MAST3: variants seen among roughly 807,000 people sequenced by gnomAD.
MAST3 encodes the protein microtubule-associated serine/threonine-protein kinase 3.
MAST3 carries 43 observed loss-of-function variants against 127.0 expected under a neutral mutation model. The observed-to-expected ratio is 0.34, with a 90% CI of 0.27 to 0.44. The LOEUF is 0.44. MAST3 is among the 20% of genes least tolerant of loss of function. The probability of loss-of-function intolerance (pLI) is 1.00; values close to 1 mark genes in which losing one functional copy is unlikely to be tolerated. For missense variants in MAST3, 1,390 were observed against 1,919.1 expected, an observed-to-expected ratio of 0.72 and a Z score of 5.15; for synonymous variants, 785 against 809.2, an observed-to-expected ratio of 0.97 and a Z score of 0.51.
intron 5 of MAST3, among the ~76,000 whole-genome samples, chr19:18,122,433 G>A (rs1406475978): frequency 6.7e-6 from 1 of 149,432 alleles, no homozygotes; most frequent in African/African-American, 2.5e-5. Flanking sequence ...CAGCTCAGAG[G>A]TTGAAGCTTT....
At position 18,106,966 on chromosome 19, in the gene MAST3, A is replaced by ATTTTTTTT. The variant is rs60298417; in HGVS notation, c.40-598_40-591dup. ...CAGGCTTGAGCCACCATGCCCAGCA[A>ATTTTTTTT]TTTTTTTTTTTTTTTTTTTTTTTTT... On this transcript the variant is annotated intron_variant, in intron 1 of 27. Coordinates refer to ENST00000687212, the MANE Select transcript of MAST3 (RefSeq NM_001393504.1). Among the ~76,000 whole-genome samples, 39 of 73,948 alleles carry ATTTTTTTT rather than the reference A, an allele frequency of 5.3e-4. 1 individual carries two copies. Among genetic ancestry groups the ATTTTTTTT allele is most frequent in the African/African-American group, 8.1e-4 (13 of 16,006 alleles). 48.5% of individuals were successfully genotyped at this position (73,948 alleles called of 152,430 possible).
intron 3 of MAST3, among the ~76,000 whole-genome samples, chr19:18,114,863 A>G (rs2039044931): frequency 6.6e-6 from 1 of 152,140 alleles, no homozygotes; most frequent in South Asian, 2.1e-4. Context: ...CTAGGGCACT[A>G]GGAGCCATAG....
intron 3 of MAST3, among the ~76,000 whole-genome samples, chr19:18,120,379 G>C (rs1467584722): frequency 6.6e-6 from 1 of 152,150 alleles, no homozygotes; most frequent in African/African-American, 2.4e-5. Context: ...GCTGCTGGCA[G>C]TAGCCATGGT....
intron 3 of MAST3, among the ~76,000 whole-genome samples, chr19:18,113,182 T>C (rs1326211334): frequency 6.6e-6 from 1 of 152,144 alleles, no homozygotes; most frequent in African/African-American, 2.4e-5. Context: ...CAGAGCCACA[T>C]TGCCTTGGGC....
At chr19:18,107,111 C>T (rs1438453840) in intron 1 of MAST3, among the ~76,000 whole-genome samples, 6 of 151,692 alleles carry the variant, frequency 4.0e-5, no homozygotes, top group Non-Finnish European at 8.8e-5. Flanking sequence ...CCACCGCACC[C>T]GGCCTACTCT....
chr19:18,127,285 C>T (rs1342788725), intron 11 of MAST3, among the ~76,000 whole-genome samples: 3 of 151,006 alleles, frequency 2.0e-5, no homozygotes, highest in Non-Finnish European at 3.0e-5. Context: ...CGGTGGCTCA[C>T]GCCTGTAATC....
chr19:18,115,781 T>C (rs997655959), intron 3 of MAST3, among the ~76,000 whole-genome samples: 2 of 152,202 alleles, frequency 1.3e-5, no homozygotes, highest in Non-Finnish European at 2.9e-5. Flanking sequence ...TTTACAAACG[T>C]AGTCCACATC....
At position 18,137,213 on chromosome 19, in the gene MAST3, C is replaced by T. The variant is rs376254053; in HGVS notation, c.1973-26C>T. On this transcript the variant is annotated intron_variant, in intron 18 of 27. Transcript: ENST00000687212. The stretch of plus-strand genomic sequence containing the variant: ...CTGTGGCGGGTGAGGTGAGGACCTG[C>T]AGGGCTCAGCGGGGCATATCTGCAG... 4 of 1,594,846 alleles carry T rather than the reference C, an allele frequency of 2.5e-6. No individual in the cohort carries two copies. The African/African-American group carries it at 5.3e-5, about 21-fold the overall frequency.
At position 18,121,703 on chromosome 19, in the gene MAST3, C is replaced by A. The variant is rs1206737689; in HGVS notation, c.180C>A (p.Arg60=). Residue 60 remains arginine, a synonymous_variant, in exon 4 of 28, where the codon CGC becomes CGA. Coordinates refer to ENST00000687212, the MANE Select transcript of MAST3 (RefSeq NM_001393504.1). ...CCCACAGCTGCCGCAGCGGGAACCG[C>A]AAGAGCTTGGTGGTAGGAACGCCCT... ...LHPWSCRSGN[R]KSLVVGTPSP... is the part of the protein sequence containing the mutation. 2 of 1,613,830 alleles carry A rather than the reference C, an allele frequency of 1.2e-6. No homozygotes were observed. The highest frequency in any genetic ancestry group is 1.3e-5 in the African/African-American group (1 of 74,954).
chr19:18,123,384 G>C lies in MAST3; in HGVS notation c.557+10G>C. 1 of 1,606,590 alleles carries C rather than the reference G, an allele frequency of 6.2e-7. No individual in the cohort carries two copies. Among genetic ancestry groups the C allele is most frequent in the African/African-American group, 1.3e-5 (1 of 74,968 alleles). ...GCTCTCGCAGTCTCAGGTGGGCCGC[G>C]ACCTCTGGCCCCAGCCCCGGCCCCT... On this transcript the variant is annotated intron_variant, in intron 7 of 27. Coordinates refer to ENST00000687212, the MANE Select transcript of MAST3 (RefSeq NM_001393504.1).
chr19:18,149,669 C>T lies in MAST3; in HGVS notation c.3987C>T (p.Ile1329=), dbSNP rs193214307. The T allele has an allele frequency of 1.9e-4, 310 of 1,613,142 alleles. 3 individuals are homozygous for T. In the African/African-American group the frequency reaches 3.9e-3, roughly 20 times the overall value. Residue 1329 remains isoleucine, a synonymous_variant, in exon 28 of 28, where the codon ATC becomes ATT. Transcript: ENST00000687212. The surrounding 1 kb of genome is among the most constrained non-coding windows in gnomAD (Gnocchi z 5.9). The part of the protein sequence containing the change: ...ATGLPTSVPQ[I]AVEGEEAVPV... ...GGCTGCCCACCTCAGTGCCACAGATCGCCGTGGAGGGCGAGGAAGCCGTGC... is the reference window on the plus strand; with the variant it reads ...GGCTGCCCACCTCAGTGCCACAGATTGCCGTGGAGGGCGAGGAAGCCGTGC...
Position 18,110,623 on chromosome 19 carries a change from T to A in MAST3, c.72-29T>A. 3.1e-6 allele frequency: 3 copies of A among 973,094 alleles called. No homozygotes were observed. The highest frequency in any genetic ancestry group is 3.7e-6 in the Non-Finnish European group (3 of 818,444). 60.3% of individuals were successfully genotyped at this position (973,094 alleles called of 1,614,324 possible). A position where few individuals can be genotyped will look rare whatever the true frequency, so the allele number is the denominator to read the frequency against. ...GCCACACGAAGGGGCGGCCGCCAGG[T>A]TCACCGTCCCCGGCCTCTTTCTTTG... On this transcript the variant is annotated intron_variant, in intron 2 of 27. Transcript: ENST00000687212. This position sits in a 1 kb window ranked among gnomAD's most constrained non-coding sequence, Gnocchi z 4.3.
chr19:18,107,478 A>G, intron 1 of MAST3, 109 bp from the exon 2 acceptor site: 1 of 1,088,496 alleles, frequency 9.2e-7, no homozygotes, highest in African/African-American at 1.5e-5. Context: ...TGAGCGGGAA[A>G]GATGCATTGG....
chr19:18,144,658 C>T lies in MAST3; in HGVS notation c.2777C>T (p.Ala926Val). 3.1e-6 allele frequency: 5 copies of T among 1,610,396 alleles called. No individual in the cohort carries two copies. Among genetic ancestry groups the T allele is most frequent in the Non-Finnish European group, 3.4e-6 (4 of 1,179,860 alleles). The change falls in exon 23 of 28, where the codon GCC becomes GTC. Residue 926 changes from alanine to valine, a missense_variant. By Grantham distance (64) the Ala-to-Val change is moderately conservative. Coordinates refer to ENST00000687212, the MANE Select transcript of MAST3 (RefSeq NM_001393504.1). This position sits in a 1 kb window ranked among gnomAD's most constrained non-coding sequence, Gnocchi z 4.0. ...AGTGGGGGCCGCGTGCCCAAGTCAGCCTCTGTCTCTGCCCTGTCCCTCATC... is the reference window on the plus strand; with the variant it reads ...AGTGGGGGCCGCGTGCCCAAGTCAGTCTCTGTCTCTGCCCTGTCCCTCATC... ...GGSGGRVPKS[A>V]SVSALSLIIT...
chr19:18,135,479 AG>A (rs746101131), intron 17 of MAST3, among the ~76,000 whole-genome samples: 1 of 151,992 alleles, frequency 6.6e-6, no homozygotes, highest in Non-Finnish European at 1.5e-5. Flanking sequence ...AATAAAAAAA[AG>A]AAGTGACATG....
At chr19:18,121,639 CG>C (rs768722161) in intron 3 of MAST3, 45 bp from the exon 4 acceptor site, 75 of 1,533,966 alleles carry the variant, frequency 4.9e-5, no homozygotes, top group Non-Finnish European at 5.1e-5. Flanking sequence ...TGGCTTAGCG[CG>C]GGGCCCTGGG....
Position 18,144,963 on chromosome 19 carries a change from C to T in MAST3, c.2813-40C>T. The T allele has an allele frequency of 8.8e-7, 1 of 1,137,656 alleles. No individual in the cohort carries two copies. The highest frequency in any genetic ancestry group is 1.3e-6 in the Non-Finnish European group (1 of 767,600). The allele number at this position is 1,137,656 out of a possible 1,614,324, so 70.5% of individuals were successfully genotyped here. On this transcript the variant is annotated intron_variant, in intron 23 of 27. Transcript: ENST00000687212. This position sits in a 1 kb window ranked among gnomAD's most constrained non-coding sequence, Gnocchi z 4.0. ...GGAAAGAGGGGGCCCCAGGGGAGAC[C>T]TGTGAGGGAGTGAGTGACCCCCTCC...
In MAST3 at chr19:18,121,679, C is replaced by G; in HGVS notation, c.162-6C>G. ...CCACCTACCCTGTCCCCTTTTCCCC[C>G]CACAGCTGCCGCAGCGGGAACCGCA... On this transcript the variant is annotated splice_polypyrimidine_tract_variant and splice_region_variant and intron_variant, in intron 3 of 27. Transcript: ENST00000687212. 1 of 1,613,120 alleles carries G rather than the reference C, an allele frequency of 6.2e-7. No homozygotes were observed. The highest frequency in any genetic ancestry group is 2.2e-5 in the East Asian group (1 of 44,896).
Position 18,143,834 on chromosome 19 carries a change from C to T in MAST3, c.2411C>T (p.Pro804Leu). 6.2e-7 allele frequency: 1 copy of T among 1,613,930 alleles called. No homozygotes were observed. The highest frequency in any genetic ancestry group is 1.3e-5 in the African/African-American group (1 of 75,048). ...TCCCAGCCCGAGCGGGGTCCCAGCC[C>T]ATCTCTCCTGAATACCATCAGCCTG... Reference protein sequence around the residue: ...SSSQPERGPSPSLLNTISLDT... With the variant: ...SSSQPERGPSLSLLNTISLDT... Residue 804 changes from proline (P) to leucine (L), a missense_variant, in exon 22 of 28, where the codon CCA becomes CTA. Transcript: ENST00000687212.
Sources: gnomAD v4.1 joint callset for allele counts (sites outside exome capture counted in the v4.1 genomes callset) on GRCh38, gnomAD v4.1.1 for gene constraint, Gnocchi (gnomAD v3.1) non-coding constraint, MANE v1.5 for transcripts, NCBI Gene and HGNC (gene_info 2026-07-23, HGNC 2026-07-21) for gene names.